KATNIP: variants seen among roughly 807,000 people sequenced by gnomAD.
KATNIP encodes the protein katanin-interacting protein.
Under a neutral mutation model 174.0 loss-of-function variants are expected in KATNIP, and 126 were observed. That is an observed-to-expected ratio of 0.72 (90% CI 0.63 to 0.84). The LOEUF is 0.84. Among genes scored for constraint, KATNIP ranks in the 40% least tolerant of loss-of-function variants. The probability of loss-of-function intolerance (pLI) is 0.00; values close to 1 mark genes in which losing one functional copy is unlikely to be tolerated. For missense variants in KATNIP, 1,958 were observed against 2,109.7 expected (o/e 0.93, Z 1.41); for synonymous variants, 810 against 835.7 (o/e 0.97, Z 0.53).
In KATNIP at chr16:27,698,713, G is replaced by A. The variant is rs115926259; in HGVS notation, c.1113+213G>A. Among the ~76,000 whole-genome samples the A allele has an allele frequency of 4.6e-3, 695 of 152,336 alleles. 7 individuals carry two copies. Among genetic ancestry groups the A allele is most frequent in the African/African-American group, 0.016 (671 of 41,570 alleles). On this transcript the variant is annotated intron_variant, in intron 9 of 27. Transcript: ENST00000261588. ...TTCTTTTAGCTCTTTATTTCACAAAGCCTAAGCTGGGTGCTAATCTGCCTC... is the reference window on the plus strand; with the variant it reads ...TTCTTTTAGCTCTTTATTTCACAAAACCTAAGCTGGGTGCTAATCTGCCTC...
chr16:27,709,001 G>C (rs926849120), intron 13 of KATNIP, 81 bp downstream of exon 13: 13 of 1,163,664 alleles, frequency 1.1e-5, no homozygotes, highest in Admixed American at 5.8e-5. Flanking sequence ...CTGTGTTAAG[G>C]GTATGAGTGG....
chr16:27,761,109 G>A (rs1567413288), intron 18 of KATNIP, among the ~76,000 whole-genome samples: 1 of 152,196 alleles, frequency 6.6e-6, no homozygotes, highest in Non-Finnish European at 1.5e-5. Flanking sequence ...GAAAGCATGG[G>A]AAGCCACCAA....
intron 10 of KATNIP, chr16:27,701,315 G>A (rs147607623): frequency 1.1e-3 from 336 of 300,564 alleles, no homozygotes; most frequent in African/African-American, 5.3e-3. Context: ...GAACCATTGC[G>A]TCTGGCCAGT....
intron 20 of KATNIP, among the ~76,000 whole-genome samples, chr16:27,769,057 C>T (rs1038189): frequency 0.4 from 60,551 of 152,180 alleles, 14,657 homozygotes; most frequent in African/African-American, 0.69. Flanking sequence ...GACTTTGAAA[C>T]TGACCAGTAG....
chr16:27,760,505 T>C (rs574757348), intron 18 of KATNIP, among the ~76,000 whole-genome samples: 1 of 152,300 alleles, frequency 6.6e-6, no homozygotes, highest in South Asian at 2.1e-4. Flanking sequence ...GGCAAAAGGA[T>C]GGCGGTATCA....
intron 9 of KATNIP, 96 bp downstream of exon 9, chr16:27,698,596 G>A (rs972239198): frequency 7.8e-7 from 1 of 1,278,364 alleles, no homozygotes; most frequent in Non-Finnish European, 1.1e-6. Context: ...GAAGAGAGAG[G>A]TGTAGTGGGC....
At chr16:27,618,383 C>G in intron 2 of KATNIP, 42 bp from the exon 3 acceptor site, 1 of 1,475,850 alleles carries the variant, frequency 6.8e-7, no homozygotes, top group South Asian at 1.1e-5. Context: ...GTCAGTGCTT[C>G]CCTGCATTCC....
chr16:27,708,941 A>G, intron 13 of KATNIP, 21 bp downstream of exon 13: 1 of 1,583,704 alleles, frequency 6.3e-7, no homozygotes, highest in Non-Finnish European at 8.7e-7. Context: ...GGGGCACTGG[A>G]TTGCTTCTTG....
chr16:27,611,248 A>G (rs2075879835), intron 2 of KATNIP, among the ~76,000 whole-genome samples: 1 of 152,202 alleles, frequency 6.6e-6, no homozygotes, highest in African/African-American at 2.4e-5. Flanking sequence ...CCCTGATCGC[A>G]TATGCAAGGG....
In KATNIP at chr16:27,623,793, G is replaced by A. The variant is rs138691489; in HGVS notation, c.141-4868G>A. Among the ~76,000 whole-genome samples, 771 of 152,200 alleles carry A rather than the reference G, an allele frequency of 5.1e-3. 7 individuals are homozygous for A. Among genetic ancestry groups the A allele is most frequent in the African/African-American group, 0.018 (749 of 41,522 alleles). The stretch of plus-strand genomic sequence containing the variant: ...GTGGTTCATCTATAGTGCCATGGCA[G>A]CCACACCACTCAGAGACCACTCAGT... On this transcript the variant is annotated intron_variant, in intron 3 of 27. Coordinates refer to ENST00000261588, the MANE Select transcript of KATNIP (RefSeq NM_015202.5).
intron 12 of KATNIP, among the ~76,000 whole-genome samples, chr16:27,707,654 C>T (rs2079376074): frequency 6.6e-6 from 1 of 152,248 alleles, no homozygotes; most frequent in Admixed American, 6.5e-5. Context: ...TAACAAAATA[C>T]CACACATGGG....
intron 8 of KATNIP, among the ~76,000 whole-genome samples, chr16:27,684,933 A>G (rs1376289956): frequency 2.0e-5 from 3 of 152,236 alleles, no homozygotes; most frequent in Admixed American, 6.5e-5. Context: ...TAGGGCCTCA[A>G]TGACCTTTTT....
At chr16:27,765,281 C>T (rs943021362) in intron 19 of KATNIP, among the ~76,000 whole-genome samples, 2 of 152,188 alleles carry the variant, frequency 1.3e-5, no homozygotes, top group African/African-American at 2.4e-5. Flanking sequence ...CTGGGCAGTC[C>T]GGGGAAGCGA....
chr16:27,771,099 C>A (rs772597518), intron 21 of KATNIP, among the ~76,000 whole-genome samples: 3 of 152,206 alleles, frequency 2.0e-5, no homozygotes, highest in Non-Finnish European at 4.4e-5. Flanking sequence ...CCCAGTCCCT[C>A]TGCCCTGTCA....
chr16:27,742,489 C>A (rs985592339), intron 15 of KATNIP, among the ~76,000 whole-genome samples: 6 of 152,212 alleles, frequency 3.9e-5, no homozygotes, highest in Non-Finnish European at 8.8e-5. Context: ...CCAGGGCTCA[C>A]CCCTAGAGCC....
At chr16:27,726,494 T>G (rs1038347173) in intron 14 of KATNIP, among the ~76,000 whole-genome samples, 1 of 152,192 alleles carries the variant, frequency 6.6e-6, no homozygotes, top group Non-Finnish European at 1.5e-5. Flanking sequence ...TAGTTTTAAG[T>G]AGCCACACGT....
At position 27,754,164 on chromosome 16, in the gene KATNIP, C is replaced by T. The variant is rs771411791; in HGVS notation, c.3553-9C>T. ...CCCCTTTTCCTCTGCTTCTCCAACC[C>T]ATGTGCAGATCCCGGAGCTAGAGCT... On this transcript the variant is annotated splice_polypyrimidine_tract_variant and intron_variant, in intron 17 of 27. Coordinates refer to ENST00000261588, the MANE Select transcript of KATNIP (RefSeq NM_015202.5). 1.2e-6 allele frequency: 2 copies of T among 1,613,120 alleles called. No individual in the cohort carries two copies. Among genetic ancestry groups the T allele is most frequent in the East Asian group, 2.2e-5 (1 of 44,884 alleles).
chr16:27,761,768 G>C (rs2081964166), intron 19 of KATNIP, among the ~76,000 whole-genome samples, 178 bp downstream of exon 19: 1 of 152,228 alleles, frequency 6.6e-6, no homozygotes, highest in Non-Finnish European at 1.5e-5. Context: ...TCAGGAAAGA[G>C]AGGTGGGAGG....
At position 27,780,062 on chromosome 16, in the gene KATNIP, A is replaced by T. The variant is rs1354075637; in HGVS notation, c.*1433A>T. On this transcript the variant is annotated 3_prime_UTR_variant, in exon 28 of 28. Transcript: ENST00000261588. ...CACCTCTGCTCAGCTCCCAGATGTG[A>T]CGAGCACCTCCCGCCAGGGGGAGTC... 6.6e-6 allele frequency: 1 copy of T among 152,146 alleles called. No homozygotes were observed. Among genetic ancestry groups the T allele is most frequent in the African/African-American group, 2.4e-5 (1 of 41,414 alleles). The allele number at this position is 152,146 out of a possible 1,614,324, so 9.4% of individuals were successfully genotyped here.
Sources: allele counts gnomAD v4.1 joint callset (sites outside exome capture counted in the v4.1 genomes callset), GRCh38; gene constraint gnomAD v4.1.1; transcripts MANE v1.5; gene names NCBI Gene and HGNC (gene_info 2026-07-23, HGNC 2026-07-21).